Variants in PRKG1 observed in about 807,000 individuals in gnomAD.
PRKG1 encodes protein kinase cGMP-dependent 1.
A neutral mutation model predicts 88.1 loss-of-function variants in PRKG1; 35 were observed. The observed-to-expected ratio is 0.40, with a 90% CI of 0.30 to 0.53. PRKG1 has a LOEUF of 0.53. PRKG1 is among the 20% of genes least tolerant of loss of function. The probability of loss-of-function intolerance (pLI) is 0.59; values close to 1 mark genes in which losing one functional copy is unlikely to be tolerated. For synonymous variants in PRKG1, 303 were observed against 292.5 expected (o/e 1.04, Z -0.37); for missense variants, 540 against 839.8 (o/e 0.64, Z 4.41).
At chr10:52,007,796 T>C (rs1458314938) in intron 5 of PRKG1, among the ~76,000 whole-genome samples, 18 of 152,098 alleles carry the variant, frequency 1.2e-4, no homozygotes, top group Admixed American at 1.1e-3. Flanking sequence ...TCTACAGAAC[T>C]CTCCACCTAA....
chr10:51,167,906 G>C (rs1046011853), intron 2 of PRKG1, among the ~76,000 whole-genome samples: 2 of 152,094 alleles, frequency 1.3e-5, no homozygotes, highest in African/African-American at 4.8e-5. Flanking sequence ...TGGAGGTAGT[G>C]TTCTGCTGAC....
chr10:51,343,130 T>C (rs959209939), intron 2 of PRKG1, among the ~76,000 whole-genome samples: 1 of 152,240 alleles, frequency 6.6e-6, no homozygotes, highest in African/African-American at 2.4e-5. Flanking sequence ...GCTACTACTT[T>C]AGTTGTTGGA....
intron 3 of PRKG1, among the ~76,000 whole-genome samples, chr10:51,526,538 T>C (rs2132085596): frequency 6.6e-6 from 1 of 152,338 alleles, no homozygotes; most frequent in East Asian, 1.9e-4. Context: ...TACCCTTCCC[T>C]AATCTCCTAC....
In PRKG1 at chr10:52,014,474, G is replaced by T. The variant is rs77367051; in HGVS notation, c.763-40010G>T. Among the ~76,000 whole-genome samples the T allele has an allele frequency of 3.2e-3, 486 of 152,228 alleles. 4 individuals are homozygous for T. The highest frequency in any genetic ancestry group is 0.011 in the African/African-American group (438 of 41,534). On this transcript the variant is annotated intron_variant, in intron 5 of 17. Transcript: ENST00000373980. ...ATCAGGTCTTGTCCTCAACACTTGGGAATTACAATTCAAGGTGATATTTGG... is the reference window on the plus strand; with the variant it reads ...ATCAGGTCTTGTCCTCAACACTTGGTAATTACAATTCAAGGTGATATTTGG...
At position 52,012,774 on chromosome 10, in the gene PRKG1, A is replaced by G. The variant is rs903560407; in HGVS notation, c.763-41710A>G. Among the ~76,000 whole-genome samples, 8 of 152,306 alleles carry G rather than the reference A, an allele frequency of 5.3e-5. 1 individual carries two copies. The highest frequency in any genetic ancestry group is 1.9e-4 in the African/African-American group (8 of 41,574). On this transcript the variant is annotated intron_variant, in intron 5 of 17. Transcript: ENST00000373980. ...ATAATAATATTATTATTGATAGTTA[A>G]TTCCTATGGGATATATATTATGGAT...
intron 2 of PRKG1, among the ~76,000 whole-genome samples, chr10:51,237,970 C>T (rs1294644041): frequency 6.6e-6 from 1 of 151,992 alleles, no homozygotes; most frequent in Non-Finnish European, 1.5e-5. Context: ...TGTTTACATA[C>T]TGTTAAGTAT....
At chr10:52,139,167 G>T (rs1185408671) in intron 8 of PRKG1, among the ~76,000 whole-genome samples, 4 of 152,100 alleles carry the variant, frequency 2.6e-5, no homozygotes, top group African/African-American at 9.7e-5. Context: ...TGATTCCTGT[G>T]TCAGGTACTG....
chr10:52,248,893 C>G (rs947923226), intron 9 of PRKG1, among the ~76,000 whole-genome samples: 4 of 31,712 alleles, frequency 1.3e-4, no homozygotes, highest in Non-Finnish European at 4.5e-4. Flanking sequence ...TCTTTTCCTT[C>G]CTTTCCTTTC....
chr10:51,667,259 CT>C (rs1408182984), intron 3 of PRKG1, among the ~76,000 whole-genome samples: 1 of 151,964 alleles, frequency 6.6e-6, no homozygotes, highest in Non-Finnish European at 1.5e-5. Context: ...GCATGTTTTT[CT>C]TGTGAATATC....
chr10:51,606,073 C>T (rs1838759328), intron 3 of PRKG1, among the ~76,000 whole-genome samples: 1 of 152,004 alleles, frequency 6.6e-6, no homozygotes, highest in Non-Finnish European at 1.5e-5. Flanking sequence ...TTATTGATGA[C>T]ATTGTTGGTT....
chr10:51,893,246 C>T (rs1223542056), intron 4 of PRKG1, among the ~76,000 whole-genome samples: 2 of 152,010 alleles, frequency 1.3e-5, no homozygotes, highest in Admixed American at 1.3e-4. Context: ...TAAGAAAACT[C>T]TGTCAATAAA....
At chr10:51,714,056 C>G (rs1040591726) in intron 3 of PRKG1, among the ~76,000 whole-genome samples, 1 of 151,988 alleles carries the variant, frequency 6.6e-6, no homozygotes, top group East Asian at 1.9e-4. Flanking sequence ...CTCGGCTCAC[C>G]GCAAGCTCCG....
At chr10:51,140,696 A>G (rs191216170) in intron 1 of PRKG1, among the ~76,000 whole-genome samples, 20 of 152,282 alleles carry the variant, frequency 1.3e-4, no homozygotes, top group South Asian at 4.1e-4. Context: ...GAGTGTCCTC[A>G]TAGACTACCT....
chr10:51,269,396 A>G (rs1217481153), intron 2 of PRKG1, among the ~76,000 whole-genome samples: 1 of 152,186 alleles, frequency 6.6e-6, no homozygotes, highest in African/African-American at 2.4e-5. Context: ...GTCATTGTAT[A>G]AAAAAGGCAC....
intron 5 of PRKG1, chr10:51,908,734 A>ATATATATATATATATATATAT (rs563212069): frequency 3.8e-5 from 2 of 52,222 alleles, no homozygotes; most frequent in Non-Finnish European, 9.6e-5. Context: ...TCTATATGTA[A>ATATATATATATATATATATAT]TTTTTTTTTT....
Position 51,236,175 on chromosome 10 carries a change from A to T in PRKG1, c.478+82845A>T, listed in dbSNP as rs565367650. On this transcript the variant is annotated intron_variant, in intron 2 of 17. Transcript: ENST00000373980. ...TTGACCTCTTAGCCTCACTTTCTTTATCTGTACAATAGGGAAAATACCTAG... is the reference window on the plus strand; with the variant it reads ...TTGACCTCTTAGCCTCACTTTCTTTTTCTGTACAATAGGGAAAATACCTAG... Among the ~76,000 whole-genome samples the T allele has an allele frequency of 1.1e-4, 16 of 152,252 alleles. No individual in the cohort carries two copies. In the South Asian group the frequency reaches 1.2e-3, roughly 12 times the overall value.
chr10:51,743,753 T>TAATAAA (rs1267990039), intron 3 of PRKG1, among the ~76,000 whole-genome samples: 3 of 126,438 alleles, frequency 2.4e-5, no homozygotes, highest in African/African-American at 9.3e-5. Flanking sequence ...TATATATATA[T>TAATAAA]ATATATATAT....
At chr10:51,458,634 A>G (rs1839657790) in intron 2 of PRKG1, among the ~76,000 whole-genome samples, 1 of 152,182 alleles carries the variant, frequency 6.6e-6, no homozygotes, top group Non-Finnish European at 1.5e-5. Context: ...ATCCAAGAGC[A>G]GTGAAGCCAG....
intron 3 of PRKG1, among the ~76,000 whole-genome samples, chr10:51,707,036 T>A (rs553808572): frequency 1.3e-5 from 2 of 152,292 alleles, no homozygotes; most frequent in East Asian, 3.9e-4. Flanking sequence ...CTTGTACTAA[T>A]GGTCTTGTCA....
Sources: allele counts gnomAD v4.1 joint callset (sites outside exome capture counted in the v4.1 genomes callset), GRCh38; gene constraint gnomAD v4.1.1; transcripts MANE v1.5; gene names NCBI Gene and HGNC (gene_info 2026-07-23, HGNC 2026-07-21).